The following MARCHF1 variants were observed in gnomAD, a reference collection of about 807,000 sequenced individuals.
MARCHF1 encodes the protein E3 ubiquitin-protein ligase MARCHF1.
Under a neutral mutation model 54.2 loss-of-function variants are expected in MARCHF1, and 40 were observed. That is an observed-to-expected ratio of 0.74 (90% CI 0.57 to 0.96). MARCHF1 has a LOEUF of 0.96. Ranked by LOEUF, MARCHF1 falls within the 40% of genes least tolerant of loss-of-function variation. The pLI is 0.00. For synonymous variants in MARCHF1, 236 were observed against 236.3 expected, an observed-to-expected ratio of 1.00 and a Z score of 0.01; for missense variants, 586 against 656.5, an observed-to-expected ratio of 0.89 and a Z score of 1.17.
At chr4:164,209,676 C>G (rs1731711373) in intron 1 of MARCHF1, among the ~76,000 whole-genome samples, 1 of 152,134 alleles carries the variant, frequency 6.6e-6, no homozygotes, top group Non-Finnish European at 1.5e-5. Flanking sequence ...ATGTTGTCCT[C>G]ATTGTATAAA....
At chr4:163,926,799 AT>A (rs1751548388) in intron 3 of MARCHF1, among the ~76,000 whole-genome samples, 1 of 151,612 alleles carries the variant, frequency 6.6e-6, no homozygotes, top group Non-Finnish European at 1.5e-5. Context: ...CTAATCCACA[AT>A]TTGGGCAGGT....
intron 2 of MARCHF1, among the ~76,000 whole-genome samples, chr4:164,028,445 A>G (rs28567528): frequency 0.011 from 1,609 of 152,316 alleles, 37 homozygotes; most frequent in African/African-American, 0.037. Context: ...GCTAGAGGCC[A>G]TAATCTTCCG....
intron 1 of MARCHF1, among the ~76,000 whole-genome samples, chr4:164,139,308 T>C (rs757870324): frequency 1.7e-4 from 26 of 152,244 alleles, no homozygotes; most frequent in Admixed American, 2.6e-4. Context: ...CATCTTTCAG[T>C]GCCCAAACTT....
intron 1 of MARCHF1, among the ~76,000 whole-genome samples, chr4:164,142,217 A>C (rs1407004968): frequency 6.6e-6 from 1 of 152,178 alleles, no homozygotes; most frequent in African/African-American, 2.4e-5. Context: ...TCTGAGATCA[A>C]ACTGCAAGGC....
chr4:164,269,914 T>G (rs1733700948), intron 1 of MARCHF1, among the ~76,000 whole-genome samples: 2 of 152,184 alleles, frequency 1.3e-5, no homozygotes, highest in Admixed American at 1.3e-4. Context: ...AGTAGCCTCC[T>G]AAATGTTCCC....
intron 2 of MARCHF1, among the ~76,000 whole-genome samples, chr4:164,053,145 T>G (rs1476264101): frequency 6.6e-6 from 1 of 152,164 alleles, no homozygotes; most frequent in Non-Finnish European, 1.5e-5. Context: ...ATTTTGTGAT[T>G]TATAACACAC....
chr4:164,312,319 C>CTTT (rs34613860), intron 1 of MARCHF1, among the ~76,000 whole-genome samples: 9,061 of 103,214 alleles, frequency 0.088, 568 homozygotes, highest in Non-Finnish European at 0.11. Flanking sequence ...TTTTCTTTTT[C>CTTT]TTTTTTTTTT....
intron 1 of MARCHF1, among the ~76,000 whole-genome samples, chr4:164,264,901 C>T (rs1004892939): frequency 1.4e-5 from 2 of 142,286 alleles, no homozygotes; most frequent in African/African-American, 2.7e-5. Flanking sequence ...GCCTGGGCAA[C>T]AAGAGCAAGA....
At chr4:163,758,321 C>A (rs1192679334) in intron 4 of MARCHF1, among the ~76,000 whole-genome samples, 1 of 152,140 alleles carries the variant, frequency 6.6e-6, no homozygotes. Context: ...GATTTCCAAT[C>A]TCACATCTTA....
chr4:163,931,476 G>C (rs190088159), intron 3 of MARCHF1, among the ~76,000 whole-genome samples: 1 of 152,070 alleles, frequency 6.6e-6, no homozygotes. Context: ...GCCTCAGGAG[G>C]CGTGTTTGCC....
At chr4:164,174,187 T>C (rs1252857224) in intron 1 of MARCHF1, among the ~76,000 whole-genome samples, 2 of 152,126 alleles carry the variant, frequency 1.3e-5, no homozygotes, top group Non-Finnish European at 2.9e-5. Context: ...GACTAGTCCA[T>C]AGTGAGAGGT....
intron 2 of MARCHF1, among the ~76,000 whole-genome samples, chr4:164,107,320 A>G (rs1195984684): frequency 1.3e-5 from 2 of 152,166 alleles, no homozygotes; most frequent in African/African-American, 2.4e-5. Flanking sequence ...AGAAGACATA[A>G]TGGTAAAATA....
intron 1 of MARCHF1, among the ~76,000 whole-genome samples, chr4:164,381,967 G>T (rs1284314646): frequency 1.3e-5 from 2 of 152,102 alleles, no homozygotes; most frequent in Non-Finnish European, 2.9e-5. Flanking sequence ...ATAAGTCCTG[G>T]ATTAAAACAA....
chr4:164,090,466 T>C (rs1400195078), intron 2 of MARCHF1, among the ~76,000 whole-genome samples: 1 of 152,156 alleles, frequency 6.6e-6, no homozygotes, highest in Admixed American at 6.6e-5. Flanking sequence ...AAGTAAAAGG[T>C]ATATCTATAA....
chr4:163,626,972 G>A (rs574379091), intron 5 of MARCHF1, among the ~76,000 whole-genome samples: 3 of 152,006 alleles, frequency 2.0e-5, no homozygotes, highest in Non-Finnish European at 2.9e-5. Context: ...ACAGAAATAG[G>A]CCAAAAATGA....
At chr4:163,547,613 A>G (rs1383488110) in intron 8 of MARCHF1, among the ~76,000 whole-genome samples, 1 of 152,212 alleles carries the variant, frequency 6.6e-6, no homozygotes, top group East Asian at 1.9e-4. Flanking sequence ...TGATTAAGCC[A>G]TTATTTCCCA....
intron 4 of MARCHF1, among the ~76,000 whole-genome samples, chr4:163,720,615 G>A (rs958568288): frequency 1.3e-5 from 2 of 152,084 alleles, no homozygotes; most frequent in Non-Finnish European, 2.9e-5. Context: ...AAATTACCTT[G>A]GGCAGTATGG....
At chr4:164,066,331 A>T (rs1162026961) in intron 2 of MARCHF1, among the ~76,000 whole-genome samples, 2 of 152,192 alleles carry the variant, frequency 1.3e-5, no homozygotes, top group Admixed American at 1.3e-4. Flanking sequence ...ACCATCTAAC[A>T]CTAGTCAGAG....
intron 4 of MARCHF1, among the ~76,000 whole-genome samples, chr4:163,721,544 A>G (rs539743719): frequency 0.016 from 2,467 of 152,246 alleles, 79 homozygotes; most frequent in African/African-American, 0.057. Flanking sequence ...CTGGCCTCAT[A>G]AAATGAGTTA....
Sources: gnomAD v4.1 joint callset for allele counts (sites outside exome capture counted in the v4.1 genomes callset) on GRCh38, gnomAD v4.1.1 for gene constraint, MANE v1.5 for transcripts, NCBI Gene and HGNC (gene_info 2026-07-23, HGNC 2026-07-21) for gene names.